Variants in MSN observed in about 807,000 individuals in gnomAD.
MSN encodes the protein moesin, also known as epididymis luminal protein 70.
Under a neutral mutation model 48.0 loss-of-function variants are expected in MSN, and 2 were observed. The ratio of observed to expected loss-of-function variants is 0.04; its 90% CI spans 0.02 to 0.13. The LOEUF is 0.13. Ranked by LOEUF, MSN falls within the 10% of genes least tolerant of loss-of-function variation. The probability of loss-of-function intolerance (pLI) is 1.00; values close to 1 mark genes in which losing one functional copy is unlikely to be tolerated. For synonymous variants in MSN, 146 were observed against 166.9 expected, an observed-to-expected ratio of 0.87 and a Z score of 0.97; for missense variants, 267 against 470.1, an observed-to-expected ratio of 0.57 and a Z score of 3.99.
Position 65,709,410 on chromosome X carries a change from C to A in MSN, c.13-7408C>A, listed in dbSNP as rs761128574. On this transcript the variant is annotated intron_variant, in intron 1 of 12. Coordinates refer to ENST00000360270, the MANE Select transcript of MSN (RefSeq NM_002444.3). ...TTGAAGTTCAGGAAACCTCAGGCTG[C>A]TATCCCTGGGGAAGAAGCCATAGTG... is the stretch of plus-strand genomic sequence containing the variant. 3.5e-4 allele frequency among the ~76,000 whole-genome samples: 39 copies of A among 112,293 alleles called. 1 individual carries two copies. In the South Asian group the frequency reaches 6.3e-3, roughly 18 times the overall value.
Position 65,631,325 on chromosome X carries a change from C to T in MSN, c.-22+42713C>T, listed in dbSNP as rs182309929. Among the ~76,000 whole-genome samples, 105 of 110,783 alleles carry T rather than the reference C, an allele frequency of 9.5e-4. 1 individual carries two copies. Among genetic ancestry groups the T allele is most frequent in the African/African-American group, 3.3e-3 (101 of 30,444 alleles). On this transcript the variant is annotated intron_variant, in intron 1 of 3. Transcript: ENST00000609672. Reference sequence around the variant, plus strand: ...GCCAGGCTGGTTTTGAACTCCTGACCTCAAATGATCTGCCCACCTCGGCCT... The same window carrying T: ...GCCAGGCTGGTTTTGAACTCCTGACTTCAAATGATCTGCCCACCTCGGCCT...
chrX:65,625,356 T>A (rs985072157), intron 1 of MSN: 3 of 112,280 alleles, frequency 2.7e-5, no homozygotes, highest in Non-Finnish European at 5.6e-5. Context: ...CTTCTGTCTA[T>A]CCATTGTTTA....
intron 1 of MSN, among the ~76,000 whole-genome samples, chrX:65,633,221 C>T (rs2070572111): frequency 9.0e-6 from 1 of 111,297 alleles, no homozygotes; most frequent in Admixed American, 9.6e-5. Context: ...ACAGAATCCC[C>T]AAGGGTGATA....
intron 7 of MSN, among the ~76,000 whole-genome samples, chrX:65,734,050 C>A (rs903715218): frequency 2.7e-5 from 3 of 111,987 alleles, no homozygotes; most frequent in African/African-American, 9.8e-5. Context: ...TTTACTGCTG[C>A]CCTCTCAGAC....
chrX:65,588,554 G>A (rs1047730740), exon 1 of MSN: 18 of 804,979 alleles, frequency 2.2e-5, no homozygotes, highest in African/African-American at 6.6e-5. Context: ...CAGCCCCGCC[G>A]CTCAACCAGC....
Position 65,638,294 on chromosome X carries a change from ACTC to A in MSN, c.-22+49685_-22+49687del, listed in dbSNP as rs747041659. 2.0e-4 allele frequency among the ~76,000 whole-genome samples: 22 copies of A among 111,047 alleles called. No homozygotes were observed. In the East Asian group the frequency reaches 5.7e-3, roughly 29 times the overall value. On this transcript the variant is annotated intron_variant, in intron 1 of 3. Transcript: ENST00000609672. ...CCTCTCACTGTGATCTATGTGGAGA[ACTC>A]CTGCTCACTCTTTAAGTATTTGCTT...
chrX:65,595,379 CA>C (rs749765076), intron 1 of MSN, among the ~76,000 whole-genome samples: 8 of 111,884 alleles, frequency 7.2e-5, no homozygotes, highest in Non-Finnish European at 5.6e-5. Flanking sequence ...ATGCTCTCTG[CA>C]CAGCCCTGGA....
chrX:65,660,409 T>C (rs1438526320), intron 1 of MSN, among the ~76,000 whole-genome samples: 1 of 111,888 alleles, frequency 8.9e-6, no homozygotes, highest in African/African-American at 3.2e-5. Context: ...GTTTTCTAGG[T>C]ATAGAATCAT....
intron 1 of MSN, among the ~76,000 whole-genome samples, chrX:65,592,446 G>A (rs775082308): frequency 1.0e-4 from 11 of 108,624 alleles, no homozygotes; most frequent in Admixed American, 5.9e-4. Flanking sequence ...TGCCCACCTC[G>A]GCCTTCCAAA....
chrX:65,617,841 T>C (rs2148358289), intron 1 of MSN, among the ~76,000 whole-genome samples: 1 of 110,630 alleles, frequency 9.0e-6, no homozygotes, highest in African/African-American at 3.3e-5. Context: ...CTTGTGGACA[T>C]TTAGTGCTAT....
intron 1 of MSN, among the ~76,000 whole-genome samples, chrX:65,713,498 C>T (rs2071433393): frequency 8.9e-6 from 1 of 112,011 alleles, no homozygotes; most frequent in African/African-American, 3.2e-5. Context: ...ATTGGCTGCC[C>T]TCCATCCCAT....
chrX:65,640,226 C>T lies in MSN; in HGVS notation c.-22+51614C>T, dbSNP rs187003349. Among the ~76,000 whole-genome samples the T allele has an allele frequency of 4.2e-4, 47 of 111,926 alleles. 1 individual carries two copies. In the South Asian group the frequency reaches 0.015, roughly 35 times the overall value. ...TGCTGCCTCCAAATCATTTCCCTCACGTTCCTGTTTCAGCACTCAAAATGT... is the reference window on the plus strand; with the variant it reads ...TGCTGCCTCCAAATCATTTCCCTCATGTTCCTGTTTCAGCACTCAAAATGT... On this transcript the variant is annotated intron_variant, in intron 1 of 3. Transcript: ENST00000609672.
chrX:65,659,883 A>C (rs1602760366), intron 1 of MSN, among the ~76,000 whole-genome samples: 1 of 111,039 alleles, frequency 9.0e-6, no homozygotes, highest in South Asian at 3.8e-4. Context: ...CATAAACCTC[A>C]TCAGATCTAA....
chrX:65,738,650 G>A, intron 11 of MSN, 33 bp downstream of exon 11: 2 of 1,148,993 alleles, frequency 1.7e-6, no homozygotes, highest in Admixed American at 2.3e-5. Context: ...AAGCATTGAA[G>A]GAATGGGTGC....
exon 1 of MSN, chrX:65,588,583 C>T: frequency 1.2e-6 from 1 of 802,691 alleles, no homozygotes. Context: ...CCTTAACTGC[C>T]AGTGTTCGTG....
chrX:65,706,667 G>C (rs1321633119), intron 1 of MSN, among the ~76,000 whole-genome samples: 2 of 112,103 alleles, frequency 1.8e-5, no homozygotes, highest in Admixed American at 9.4e-5. Flanking sequence ...GGAGAGGTGG[G>C]TGGAGTTGTG....
chrX:65,654,497 C>A (rs1192789252), intron 1 of MSN, among the ~76,000 whole-genome samples: 1 of 110,054 alleles, frequency 9.1e-6, no homozygotes, highest in African/African-American at 3.3e-5. Context: ...ATTATTACCC[C>A]AATTTTTACA....
At chrX:65,601,327 T>C (rs887302177) in intron 1 of MSN, among the ~76,000 whole-genome samples, 2 of 112,041 alleles carry the variant, frequency 1.8e-5, no homozygotes, top group Non-Finnish European at 3.8e-5. Flanking sequence ...ACTGAGAATA[T>C]AAACCTGTGG....
At chrX:65,642,877 GA>G (rs199573270) in intron 1 of MSN, among the ~76,000 whole-genome samples, 1 of 109,658 alleles carries the variant, frequency 9.1e-6, no homozygotes, top group East Asian at 2.9e-4. Context: ...GGGCCTCAGG[GA>G]AAAAAAACCA....
Sources: gnomAD v4.1 joint callset for allele counts (sites outside exome capture counted in the v4.1 genomes callset) on GRCh38, gnomAD v4.1.1 for gene constraint, MANE v1.5 for transcripts, NCBI Gene and HGNC (gene_info 2026-07-23, HGNC 2026-07-21) for gene names.